The following RFC3 variants were observed in gnomAD, a reference collection of about 807,000 sequenced individuals.
The protein encoded by RFC3 is replication factor C subunit 3, also known as A1 38 kDa subunit.
Under a neutral mutation model 45.1 loss-of-function variants are expected in RFC3, and 41 were observed. That is an observed-to-expected ratio of 0.91 (90% CI 0.71 to 1.18). The LOEUF is 1.18. Among genes scored for constraint, RFC3 ranks in the 50% most tolerant of loss-of-function variants. The pLI, the probability that RFC3 is intolerant of heterozygous loss-of-function variation, is 0.00. For missense variants in RFC3, 423 were observed against 428.1 expected (o/e 0.99, Z 0.10); for synonymous variants, 149 against 144.0 (o/e 1.03, Z -0.25).
At chr13:33,908,832 G>A (rs754243042) in intron 8 of RFC3, among the ~76,000 whole-genome samples, 2 of 152,028 alleles carry the variant, frequency 1.3e-5, no homozygotes, top group Non-Finnish European at 2.9e-5. Flanking sequence ...CAAGACCCAA[G>A]AAGAGCCAAA....
At chr13:33,925,218 CTA>C (rs2082798546) in intron 8 of RFC3, among the ~76,000 whole-genome samples, 1 of 107,890 alleles carries the variant, frequency 9.3e-6, no homozygotes, top group East Asian at 2.9e-4. Context: ...ATATAGTGTA[CTA>C]TATACATACA....
chr13:33,953,968 A>G (rs1566041200), intron 8 of RFC3, among the ~76,000 whole-genome samples: 1 of 152,178 alleles, frequency 6.6e-6, no homozygotes, highest in Non-Finnish European at 1.5e-5. Flanking sequence ...GTGTTGCATA[A>G]CTCTGAAAAT....
At chr13:33,889,619 A>G (rs2082551069) in intron 8 of RFC3, among the ~76,000 whole-genome samples, 1 of 152,178 alleles carries the variant, frequency 6.6e-6, no homozygotes, top group South Asian at 2.1e-4. Context: ...GTTATTAGCT[A>G]TAATCACCAT....
downstream of RFC3, among the ~76,000 whole-genome samples, chr13:33,966,848 G>A (rs1399009229): frequency 6.6e-6 from 1 of 152,008 alleles, no homozygotes; most frequent in African/African-American, 2.4e-5. Context: ...TGTTTTCCAG[G>A]AAAATTTCAT....
intron 8 of RFC3, among the ~76,000 whole-genome samples, chr13:33,922,390 T>C (rs1453059939): frequency 6.6e-6 from 1 of 152,098 alleles, no homozygotes; most frequent in African/African-American, 2.4e-5. Flanking sequence ...TCAGGAAATA[T>C]TCAATTTAAG....
At chr13:33,969,198 G>A (rs1483162440), downstream of RFC3, among the ~76,000 whole-genome samples, 1 of 152,186 alleles carries the variant, frequency 6.6e-6, no homozygotes, top group Non-Finnish European at 1.5e-5. Flanking sequence ...GATGAAAAGT[G>A]TCCTTTCTTT....
intron 8 of RFC3, chr13:33,850,844 CTTTT>C (rs953107122): frequency 1.6e-4 from 25 of 152,014 alleles, no homozygotes; most frequent in African/African-American, 5.8e-4. Flanking sequence ...TGAGTCACAA[CTTTT>C]TTTTAATTTT....
intron 8 of RFC3, among the ~76,000 whole-genome samples, chr13:33,867,333 G>A (rs745310036): frequency 2.0e-5 from 3 of 152,142 alleles, no homozygotes; most frequent in Non-Finnish European, 2.9e-5. Context: ...TTCTCTACCT[G>A]GTAAAGTAAT....
intron 8 of RFC3, among the ~76,000 whole-genome samples, chr13:33,855,117 ACTC>A (rs1444058491): frequency 2.6e-5 from 4 of 151,360 alleles, no homozygotes; most frequent in Non-Finnish European, 4.4e-5. Context: ...AGGTTAAAAT[ACTC>A]CTCCTTTGTG....
At chr13:33,950,640 T>C (rs1276086630) in intron 8 of RFC3, among the ~76,000 whole-genome samples, 1 of 152,154 alleles carries the variant, frequency 6.6e-6, no homozygotes, top group Non-Finnish European at 1.5e-5. Flanking sequence ...AACACACAGG[T>C]CAACTGAGCT....
chr13:33,976,592 A>G, the RFC3 span, among the ~76,000 whole-genome samples: 3 of 152,318 alleles, frequency 2.0e-5, no homozygotes, highest in East Asian at 5.8e-4. Context: ...ACAAAGATAA[A>G]TGTTTGAAGT....
chr13:33,942,343 A>G (rs1277970836), intron 8 of RFC3, among the ~76,000 whole-genome samples: 1 of 152,132 alleles, frequency 6.6e-6, no homozygotes, highest in Non-Finnish European at 1.5e-5. Flanking sequence ...TCTTACGAGT[A>G]CATAATGGTT....
intron 8 of RFC3, among the ~76,000 whole-genome samples, chr13:33,867,113 G>T (rs913795): frequency 0.063 from 9,624 of 152,228 alleles, 626 homozygotes; most frequent in East Asian, 0.16. Flanking sequence ...AATACTCTTG[G>T]AGTTCCCAGA....
intron 8 of RFC3, among the ~76,000 whole-genome samples, chr13:33,949,446 T>G (rs944977082): frequency 6.6e-6 from 1 of 152,308 alleles, no homozygotes; most frequent in East Asian, 1.9e-4. Context: ...AGCTAAAAAT[T>G]TATCATTTAC....
downstream of RFC3, among the ~76,000 whole-genome samples, chr13:33,840,149 G>A (rs2082187189): frequency 6.6e-6 from 1 of 151,948 alleles, no homozygotes; most frequent in Non-Finnish European, 1.5e-5. Context: ...CTTGATTTAT[G>A]GGCTTTTGTA....
chr13:33,841,823 A>G (rs192286479), downstream of RFC3, among the ~76,000 whole-genome samples: 2 of 152,230 alleles, frequency 1.3e-5, no homozygotes, highest in South Asian at 2.1e-4. Context: ...TAGGGGCATG[A>G]TATTTCTAGG....
intron 8 of RFC3, among the ~76,000 whole-genome samples, chr13:33,951,013 G>T (rs2082986459): frequency 7.1e-6 from 1 of 140,126 alleles, no homozygotes; most frequent in Admixed American, 7.2e-5. Context: ...AGACTTCCCT[G>T]ATGTCTCCAG....
chr13:33,908,072 T>G (rs1593683446), intron 8 of RFC3, among the ~76,000 whole-genome samples: 1 of 151,878 alleles, frequency 6.6e-6, no homozygotes, highest in Non-Finnish European at 1.5e-5. Flanking sequence ...AAGGATATGC[T>G]GAAAGTGAGA....
rs1566387023 is a variant in RFC3, at chr13:33,836,407, T to C, written c.*112T>C. On this transcript the variant is annotated 3_prime_UTR_variant, in exon 9 of 9. Coordinates refer to ENST00000380071, the MANE Select transcript of RFC3 (RefSeq NM_002915.4). ...ACTTAATCATGTCGTATTTGCGTTTTTTTGGTAATAACTTCTCTGTGAACT... is the reference window on the plus strand; with the variant it reads ...ACTTAATCATGTCGTATTTGCGTTTCTTTGGTAATAACTTCTCTGTGAACT... 2 of 1,497,680 alleles carry C rather than the reference T, an allele frequency of 1.3e-6. No homozygotes were observed. The highest frequency in any genetic ancestry group is 2.2e-5 in the Admixed American group (1 of 45,674). 92.8% of individuals were successfully genotyped at this position (1,497,680 alleles called of 1,614,324 possible). A position where few individuals can be genotyped will look rare whatever the true frequency, so the allele number is the denominator to read the frequency against.
Sources: gnomAD v4.1 joint callset for allele counts (sites outside exome capture counted in the v4.1 genomes callset) on GRCh38, gnomAD v4.1.1 for gene constraint, MANE v1.5 for transcripts, NCBI Gene and HGNC (gene_info 2026-07-23, HGNC 2026-07-21) for gene names.